BBOX1: variants seen among roughly 807,000 people sequenced by gnomAD.
BBOX1 encodes gamma-butyrobetaine hydroxylase 1.
A neutral mutation model predicts 41.6 loss-of-function variants in BBOX1; 35 were observed. The ratio of observed to expected loss-of-function variants is 0.84; its 90% CI spans 0.64 to 1.11. The LOEUF is 1.11. BBOX1 is among the 50% of genes most tolerant of loss of function. The pLI, the probability that BBOX1 is intolerant of heterozygous loss-of-function variation, is 0.00. For synonymous variants in BBOX1, 163 were observed against 154.7 expected, an observed-to-expected ratio of 1.05 and a Z score of -0.40; for missense variants, 458 against 460.6, an observed-to-expected ratio of 0.99 and a Z score of 0.05.
chr11:27,091,836 G>A (rs1465902805), intron 4 of BBOX1, among the ~76,000 whole-genome samples: 1 of 151,950 alleles, frequency 6.6e-6, no homozygotes, highest in East Asian at 1.9e-4. Context: ...AATTAATGCA[G>A]CTCTAGGGAG....
chr11:27,084,471 T>A (rs753716325), intron 4 of BBOX1, among the ~76,000 whole-genome samples: 11 of 151,980 alleles, frequency 7.2e-5, no homozygotes, highest in Non-Finnish European at 1.3e-4. Flanking sequence ...GAGGGCAGGA[T>A]CTCCATAGTG....
intron 2 of BBOX1, 52 bp from the exon 3 acceptor site, chr11:27,055,341 C>T (rs1391829067): frequency 1.5e-6 from 2 of 1,339,094 alleles, no homozygotes; most frequent in African/African-American, 2.9e-5. Context: ...TCTCAGAGGC[C>T]AAGTTTAGAT....
intron 4 of BBOX1, among the ~76,000 whole-genome samples, chr11:27,069,640 A>G (rs1173860324): frequency 6.6e-6 from 1 of 151,962 alleles, no homozygotes. Context: ...GGCATCCTTA[A>G]CTTGTTCCAG....
rs1379278498 is a variant in BBOX1 at position 27,115,522 on chromosome 11, C to A, written c.604C>A (p.His202Asn). ...TTACACAACTGGGAAGCTAAGCTTTCACACTGATTATCCAGCCCTCCATCA... is the reference window on the plus strand; with the variant it reads ...TTACACAACTGGGAAGCTAAGCTTTAACACTGATTATCCAGCCCTCCATCA... ...VAYTTGKLSF[H>N]TDYPALHHPP... The change falls in exon 6 of 9, where the codon CAC (histidine) becomes AAC (asparagine). Residue 202 changes from histidine to asparagine, a missense_variant. By Grantham distance (68) the His-to-Asn change is moderately conservative. Coordinates refer to ENST00000263182, the MANE Select transcript of BBOX1 (RefSeq NM_003986.3). 1 of 1,610,990 alleles carries A rather than the reference C, an allele frequency of 6.2e-7. No individual in the cohort carries two copies.
chr11:27,097,539 G>C (rs1178177793), intron 5 of BBOX1, among the ~76,000 whole-genome samples: 1 of 151,976 alleles, frequency 6.6e-6, no homozygotes, highest in Non-Finnish European at 1.5e-5. Flanking sequence ...TCTACTTTAT[G>C]AAAAAGTACC....
intron 5 of BBOX1, among the ~76,000 whole-genome samples, chr11:27,104,970 T>G (rs1315747532): frequency 1.3e-5 from 2 of 152,158 alleles, no homozygotes; most frequent in African/African-American, 4.8e-5. Flanking sequence ...TGCTGATACC[T>G]AGGAAAACAG....
At chr11:27,068,041 A>G (rs1857342858) in intron 4 of BBOX1, among the ~76,000 whole-genome samples, 1 of 145,578 alleles carries the variant, frequency 6.9e-6, no homozygotes, top group Admixed American at 6.8e-5. Flanking sequence ...TAATAAGCAT[A>G]CATTTTCAGG....
rs60041119 is a variant in BBOX1, at chr11:27,057,064, TA to T, written c.220-116del. On this transcript the variant is annotated intron_variant, in intron 3 of 8. Transcript: ENST00000263182. ...CTGGCAACAGAGGAAGACTCCGACT[TA>T]AAAAAAAAAAAAAAAAAAAATTAAG... The T allele has an allele frequency of 8.3e-4, 126 of 151,016 alleles. 3 individuals are homozygous for T. The highest frequency in any genetic ancestry group is 9.3e-4 in the African/African-American group (22 of 23,560). 9.4% of individuals were successfully genotyped at this position (151,016 alleles called of 1,614,324 possible). A position where few individuals can be genotyped will look rare whatever the true frequency, so the allele number is the denominator to read the frequency against.
chr11:27,049,930 C>T (rs1003782263), intron 2 of BBOX1, among the ~76,000 whole-genome samples: 3 of 152,100 alleles, frequency 2.0e-5, no homozygotes, highest in African/African-American at 7.2e-5. Flanking sequence ...AATCCATGCC[C>T]AGACAAATGT....
chr11:27,121,430 A>G (rs1237348083), intron 7 of BBOX1, among the ~76,000 whole-genome samples: 3 of 152,200 alleles, frequency 2.0e-5, no homozygotes, highest in Admixed American at 2.0e-4. Flanking sequence ...GTTATATTTT[A>G]AATGGGTCAC....
At chr11:27,073,897 A>G (rs1857547827) in intron 4 of BBOX1, among the ~76,000 whole-genome samples, 1 of 151,520 alleles carries the variant, frequency 6.6e-6, no homozygotes, top group African/African-American at 2.4e-5. Context: ...GAAACATCAC[A>G]CACTGGGGCC....
chr11:27,119,722 G>C lies in BBOX1; in HGVS notation c.713G>C (p.Cys238Ser), dbSNP rs775506386. The C allele has an allele frequency of 2.9e-5, 47 of 1,604,948 alleles. No individual in the cohort carries two copies. Among genetic ancestry groups the C allele is most frequent in the Non-Finnish European group, 3.9e-5 (46 of 1,177,080 alleles). ...GAAATTGTAGATGGGTTTAATGTGT[G>C]CCAAAAACTAAAGAAAAATAATCCT... ...DSEIVDGFNVCQKLKKNNPQA... is the reference protein window; with the variant it reads ...DSEIVDGFNVSQKLKKNNPQA... The change falls in exon 7 of 9, where the codon TGC becomes TCC. Residue 238 changes from cysteine (C) to serine (S), a missense_variant. Coordinates refer to ENST00000263182, the MANE Select transcript of BBOX1 (RefSeq NM_003986.3).
In BBOX1 at chr11:27,064,873, A is replaced by G. The variant is rs553466565; in HGVS notation, c.334+7558A>G. Among the ~76,000 whole-genome samples, 21 of 151,632 alleles carry G rather than the reference A, an allele frequency of 1.4e-4. No individual in the cohort carries two copies. In the South Asian group the frequency reaches 4.4e-3, roughly 32 times the overall value. ...AGGATTGGTGGGTCTAGGTAGACCC[A>G]TGGGGTCCAGTGGAGCCATAGGTGT... On this transcript the variant is annotated intron_variant, in intron 4 of 8. Transcript: ENST00000263182.
At chr11:27,102,100 C>A (rs139076381) in intron 5 of BBOX1, among the ~76,000 whole-genome samples, 9 of 151,770 alleles carry the variant, frequency 5.9e-5, no homozygotes, top group Admixed American at 5.3e-4. Flanking sequence ...TGGTGCTGAG[C>A]AGTAAATTTA....
At chr11:27,106,158 C>T (rs1421266816) in intron 5 of BBOX1, among the ~76,000 whole-genome samples, 2 of 152,098 alleles carry the variant, frequency 1.3e-5, no homozygotes, top group African/African-American at 4.8e-5. Flanking sequence ...TAAAGACCAT[C>T]GATGTTAGGA....
intron 2 of BBOX1, among the ~76,000 whole-genome samples, chr11:27,043,878 A>G (rs1324725579): frequency 6.6e-6 from 1 of 152,158 alleles, no homozygotes; most frequent in East Asian, 1.9e-4. Flanking sequence ...AGTCTTTGCC[A>G]TTGTGAACAG....
chr11:27,115,506 TG>T lies in BBOX1; in HGVS notation c.591del (p.Lys198SerfsTer2). The T allele has an allele frequency of 6.2e-7, 1 of 1,611,396 alleles. No homozygotes were observed. The highest frequency in any genetic ancestry group is 8.5e-7 in the Non-Finnish European group (1 of 1,178,238). ...IDANNVAYTT[G>X]KLSFHTDYPA... ...ATGCAAACAATGTGGCTTACACAAC[TG>T]GGAAGCTAAGCTTTCACACTGATTA... On this transcript the variant is annotated frameshift_variant, in exon 6 of 9. Transcript: ENST00000263182. LOFTEE classifies it high-confidence loss of function.
intron 2 of BBOX1, among the ~76,000 whole-genome samples, chr11:27,042,442 T>C (rs1421785106): frequency 1.3e-5 from 2 of 152,196 alleles, no homozygotes. Flanking sequence ...AATCTCAAAC[T>C]CTTGGGTTCA....
At chr11:27,082,139 A>AC (rs1857862861) in intron 4 of BBOX1, among the ~76,000 whole-genome samples, 1 of 151,966 alleles carries the variant, frequency 6.6e-6, no homozygotes, top group Non-Finnish European at 1.5e-5. Flanking sequence ...TGAGAAATTC[A>AC]CCCCCATGAT....
Sources: gnomAD v4.1 joint callset for allele counts (sites outside exome capture counted in the v4.1 genomes callset) on GRCh38, gnomAD v4.1.1 for gene constraint, MANE v1.5 for transcripts, NCBI Gene and HGNC (gene_info 2026-07-23, HGNC 2026-07-21) for gene names.